The following APOLD1 variants were observed in gnomAD, a reference collection of about 807,000 sequenced individuals.
The protein encoded by APOLD1 is apolipoprotein L domain containing 1.
APOLD1 carries 22 observed loss-of-function variants against 15.3 expected under a neutral mutation model. That is an observed-to-expected ratio of 1.44 (90% CI 1.03 to 2.05). The LOEUF (loss-of-function observed/expected upper bound fraction) is 2.05. Among genes scored for constraint, APOLD1 ranks in the 30% most tolerant of loss-of-function variants. The pLI is 0.00. For synonymous variants in APOLD1, 190 were observed against 167.4 expected (o/e 1.13, Z -1.04); for missense variants, 394 against 353.5 (o/e 1.11, Z -0.92).
intron 1 of APOLD1, among the ~76,000 whole-genome samples, chr12:12,752,718 T>C (rs1592296689): frequency 6.6e-6 from 1 of 152,108 alleles, no homozygotes; most frequent in Admixed American, 6.6e-5. Flanking sequence ...TAAGCCACAG[T>C]TAAAACTAGA....
chr12:12,757,032 C>A (rs1946862005), intron 1 of APOLD1, among the ~76,000 whole-genome samples: 1 of 152,182 alleles, frequency 6.6e-6, no homozygotes. Context: ...GGTGATCCAC[C>A]CGCCTCAGCC....
intron 1 of APOLD1, among the ~76,000 whole-genome samples, chr12:12,758,643 T>A (rs938104702): frequency 1.2e-4 from 19 of 152,178 alleles, no homozygotes; most frequent in Admixed American, 3.3e-4. Flanking sequence ...AACATTCAAT[T>A]TATCCATCCG....
intron 1 of APOLD1, among the ~76,000 whole-genome samples, chr12:12,776,003 C>CAAAAAAAAAAAAAAAAAA (rs34623976): frequency 1.3e-4 from 8 of 62,180 alleles, no homozygotes; most frequent in African/African-American, 3.9e-4. Flanking sequence ...GACCCAGTCT[C>CAAAAAAAAAAAAAAAAAA]AAAAAAAAAA....
intron 1 of APOLD1, among the ~76,000 whole-genome samples, chr12:12,744,383 CAG>C (rs1474515669): frequency 3.3e-5 from 5 of 150,232 alleles, no homozygotes; most frequent in African/African-American, 1.2e-4. Context: ...CTGAGGTGGG[CAG>C]ATCACCTGAG....
intron 1 of APOLD1, among the ~76,000 whole-genome samples, chr12:12,763,546 AT>A (rs1946919743): frequency 6.6e-6 from 1 of 152,152 alleles, no homozygotes; most frequent in East Asian, 1.9e-4. Context: ...ACAATAAAAA[AT>A]AATACAAATA....
chr12:12,767,267 C>T (rs947549074), intron 1 of APOLD1, among the ~76,000 whole-genome samples: 2 of 152,014 alleles, frequency 1.3e-5, no homozygotes, highest in African/African-American at 4.8e-5. Context: ...TAAGAGTTGG[C>T]CCTCTGTATT....
At chr12:12,780,893 T>C (rs1277629904), upstream of APOLD1, among the ~76,000 whole-genome samples, 4 of 150,882 alleles carry the variant, frequency 2.7e-5, no homozygotes, top group Admixed American at 6.7e-5. Flanking sequence ...CTGAATTTTA[T>C]ATTTTTGATG....
At chr12:12,752,379 T>C (rs1946818885) in intron 1 of APOLD1, among the ~76,000 whole-genome samples, 1 of 152,322 alleles carries the variant, frequency 6.6e-6, no homozygotes, top group African/African-American at 2.4e-5. Flanking sequence ...GGGTGGCTAA[T>C]TAAGTTCATG....
At chr12:12,786,844 CAG>C in intron 1 of APOLD1, 63 bp from the exon 2 acceptor site, 1 of 1,349,678 alleles carries the variant, frequency 7.4e-7, no homozygotes, top group Non-Finnish European at 9.5e-7. Context: ...GGCGTCCGGG[CAG>C]CAGGGCGGGA....
In APOLD1 at chr12:12,786,984, C is replaced by G; in HGVS notation, c.79C>G (p.Arg27Gly). ...LRRFQGLLLDRRGRLHGQVLR... is the reference protein window; with the variant it reads ...LRRFQGLLLDGRGRLHGQVLR... ...GCGCTTCCAGGGACTGCTGCTGGAC[C>G]GCCGAGGCCGGCTGCACGGCCAGGT... The change falls in exon 2 of 2, where the codon CGC (arginine) becomes GGC (glycine). Residue 27 changes from arginine to glycine, a missense_variant. Transcript: ENST00000356591. 2.1e-6 allele frequency: 3 copies of G among 1,427,758 alleles called. No homozygotes were observed. Among genetic ancestry groups the G allele is most frequent in the Non-Finnish European group, 2.7e-6 (3 of 1,101,916 alleles). 88.4% of individuals were successfully genotyped at this position (1,427,758 alleles called of 1,614,324 possible). A position where few individuals can be genotyped will look rare whatever the true frequency, so the allele number is the denominator to read the frequency against.
intron 1 of APOLD1, among the ~76,000 whole-genome samples, chr12:12,778,876 T>C (rs1442807683): frequency 1.3e-5 from 2 of 152,178 alleles, no homozygotes; most frequent in African/African-American, 4.8e-5. Flanking sequence ...GAACCATCCT[T>C]CACACAACTG....
chr12:12,726,308 G>T, intron 1 of APOLD1: 1 of 662,516 alleles, frequency 1.5e-6, no homozygotes, highest in Non-Finnish European at 2.7e-6. Flanking sequence ...GCGTTTTTGC[G>T]GGAGGAATAT....
At chr12:12,742,158 C>G (rs2136373946) in intron 1 of APOLD1, among the ~76,000 whole-genome samples, 1 of 152,300 alleles carries the variant, frequency 6.6e-6, no homozygotes, top group African/African-American at 2.4e-5. Context: ...CTTTCTACTT[C>G]TCTGCACCTT....
chr12:12,746,946 A>G (rs1404499985), intron 1 of APOLD1, among the ~76,000 whole-genome samples: 3 of 152,150 alleles, frequency 2.0e-5, no homozygotes, highest in African/African-American at 7.2e-5. Flanking sequence ...CCCCAGCTAC[A>G]CCAATGTTGC....
At chr12:12,731,249 A>G (rs1946639505) in intron 1 of APOLD1, among the ~76,000 whole-genome samples, 1 of 152,230 alleles carries the variant, frequency 6.6e-6, no homozygotes, top group African/African-American at 2.4e-5. Context: ...CCTTGTCAAT[A>G]TGTCTTATTA....
chr12:12,741,598 G>A lies in APOLD1; in HGVS notation c.96+15502G>A, dbSNP rs988338246. On this transcript the variant is annotated intron_variant, in intron 1 of 1. Coordinates refer to the APOLD1 transcript ENST00000326765. ...AAAATGATTCCCAATTTTAGGTTTT[G>A]AGTTATAGCTCCCTGAAGTTCCTGG... Among the ~76,000 whole-genome samples the A allele has an allele frequency of 6.6e-5, 10 of 152,258 alleles. No homozygotes were observed. In the South Asian group the frequency reaches 1.7e-3, roughly 25 times the overall value.
intron 1 of APOLD1, among the ~76,000 whole-genome samples, chr12:12,740,285 T>G (rs1414984141): frequency 6.6e-6 from 1 of 151,900 alleles, no homozygotes; most frequent in East Asian, 1.9e-4. Context: ...CCAGCCTAAT[T>G]TTTGTATTTT....
intron 1 of APOLD1, among the ~76,000 whole-genome samples, chr12:12,769,762 C>A (rs1946971563): frequency 6.6e-6 from 1 of 152,182 alleles, no homozygotes; most frequent in African/African-American, 2.4e-5. Context: ...CCTAGTCTAG[C>A]TATGTTGTCC....
intron 1 of APOLD1, among the ~76,000 whole-genome samples, chr12:12,728,664 T>C (rs1348513703): frequency 6.6e-5 from 1 of 15,166 alleles, no homozygotes; most frequent in Non-Finnish European, 1.0e-4. Context: ...AGACCCTGTC[T>C]CAAAAAAAAA....
Sources: allele counts gnomAD v4.1 joint callset (sites outside exome capture counted in the v4.1 genomes callset), GRCh38; gene constraint gnomAD v4.1.1; transcripts MANE v1.5; gene names NCBI Gene and HGNC (gene_info 2026-07-23, HGNC 2026-07-21).